SLC25A24: variants seen among roughly 807,000 people sequenced by gnomAD.
The protein encoded by SLC25A24 is mitochondrial adenyl nucleotide antiporter SLC25A24.
SLC25A24 carries 49 observed loss-of-function variants against 60.7 expected under a neutral mutation model. The ratio of observed to expected loss-of-function variants is 0.81; its 90% CI spans 0.64 to 1.02. The LOEUF is 1.02. Among genes scored for constraint, SLC25A24 ranks in the 50% least tolerant of loss-of-function variants. The pLI is 0.00. For missense variants in SLC25A24, 564 were observed against 586.3 expected, an observed-to-expected ratio of 0.96 and a Z score of 0.39; for synonymous variants, 202 against 200.6, an observed-to-expected ratio of 1.01 and a Z score of -0.06.
At chr1:108,180,616 A>ATC (rs3043349) in intron 3 of SLC25A24, among the ~76,000 whole-genome samples, 1,018 of 61,684 alleles carry the variant, frequency 0.017, 10 homozygotes, top group South Asian at 0.03. Flanking sequence ...CAAGAGAAAG[A>ATC]TCTCTCTCTC....
intron 3 of SLC25A24, among the ~76,000 whole-genome samples, chr1:108,176,794 A>T (rs913936879): frequency 6.6e-6 from 1 of 152,200 alleles, no homozygotes; most frequent in African/African-American, 2.4e-5. Flanking sequence ...TTCAGAAATG[A>T]AGGAGAGATA....
At position 108,194,666 on chromosome 1, in the gene SLC25A24, C is replaced by T. The variant is rs139270022; in HGVS notation, c.183+5290G>A. Among the ~76,000 whole-genome samples the T allele has an allele frequency of 2.0e-3, 301 of 152,294 alleles. 1 individual carries two copies. The highest frequency in any genetic ancestry group is 6.9e-3 in the African/African-American group (286 of 41,580). On this transcript the variant is annotated intron_variant, in intron 1 of 9. Coordinates refer to ENST00000565488, the MANE Select transcript of SLC25A24 (RefSeq NM_013386.5). Reference sequence around the variant, plus strand: ...TGCTTATTATTTTTTATTCCCCATGCACCTACACACACACACAGACCTACT... The same window carrying T: ...TGCTTATTATTTTTTATTCCCCATGTACCTACACACACACACAGACCTACT...
intron 6 of SLC25A24, among the ~76,000 whole-genome samples, chr1:108,150,456 G>A (rs1679726030): frequency 6.6e-6 from 1 of 152,106 alleles, no homozygotes; most frequent in Admixed American, 6.6e-5. Flanking sequence ...AAACCACCCT[G>A]AAATCCTTTT....
At chr1:108,163,384 G>A (rs1680145652) in intron 3 of SLC25A24, among the ~76,000 whole-genome samples, 1 of 149,716 alleles carries the variant, frequency 6.7e-6, no homozygotes, top group South Asian at 2.1e-4. Context: ...ATTGCCTTGG[G>A]CAGTATGGCC....
In SLC25A24 at chr1:108,178,542, C is replaced by T. The variant is rs140204561; in HGVS notation, c.398+3399G>A. Reference sequence around the variant, plus strand: ...AAAAAACTAGAAATCAGGCCAGGCGCGGTGGCTCACGCCTGTAATCCTAGC... The same window carrying T: ...AAAAAACTAGAAATCAGGCCAGGCGTGGTGGCTCACGCCTGTAATCCTAGC... On this transcript the variant is annotated intron_variant, in intron 3 of 9. Coordinates refer to ENST00000565488, the MANE Select transcript of SLC25A24 (RefSeq NM_013386.5). 2.5e-4 allele frequency among the ~76,000 whole-genome samples: 38 copies of T among 152,140 alleles called. No homozygotes were observed. In the East Asian group the frequency reaches 3.7e-3, roughly 15 times the overall value.
intron 2 of SLC25A24, among the ~76,000 whole-genome samples, chr1:108,183,552 T>C (rs1648012767): frequency 6.6e-6 from 1 of 152,200 alleles, no homozygotes; most frequent in African/African-American, 2.4e-5. Context: ...CTTATGTCTG[T>C]TTCTGTTTGA....
chr1:108,196,564 C>T (rs1223125628), intron 1 of SLC25A24, among the ~76,000 whole-genome samples: 1 of 152,184 alleles, frequency 6.6e-6, no homozygotes, highest in Non-Finnish European at 1.5e-5. Flanking sequence ...TGTCCTAGTC[C>T]AACTGGGCTG....
intron 8 of SLC25A24, among the ~76,000 whole-genome samples, chr1:108,139,542 CAT>C (rs1209457085): frequency 6.6e-6 from 1 of 152,144 alleles, no homozygotes; most frequent in African/African-American, 2.4e-5. Flanking sequence ...TTACACGTTA[CAT>C]ATATTTCATT....
chr1:108,197,348 C>T (rs922744348), intron 1 of SLC25A24, among the ~76,000 whole-genome samples: 11 of 152,142 alleles, frequency 7.2e-5, no homozygotes, highest in African/African-American at 2.4e-4. Context: ...CTTGGAAACA[C>T]GGAGATGAGA....
intron 3 of SLC25A24, among the ~76,000 whole-genome samples, chr1:108,175,264 TAGTG>T (rs1339127690): frequency 1.3e-5 from 2 of 152,186 alleles, no homozygotes; most frequent in Non-Finnish European, 2.9e-5. Context: ...GTTCTCATGA[TAGTG>T]AGTAACTTCT....
chr1:108,161,932 T>G (rs1680097161), intron 3 of SLC25A24, among the ~76,000 whole-genome samples: 1 of 148,816 alleles, frequency 6.7e-6, no homozygotes, highest in South Asian at 2.2e-4. Context: ...TATCTCCCAA[T>G]GCCATCCCTC....
rs202000976 is a variant in SLC25A24 at position 108,148,396 on chromosome 1, C to A, written c.823-10G>T. 9.3e-5 allele frequency: 142 copies of A among 1,520,010 alleles called. 1 individual carries two copies. In the African/African-American group the frequency reaches 1.7e-3, roughly 18 times the overall value. 94.2% of individuals were successfully genotyped at this position (1,520,010 alleles called of 1,614,324 possible). On this transcript the variant is annotated splice_polypyrimidine_tract_variant and intron_variant, in intron 6 of 9. Transcript: ENST00000565488. ...TAAGTAACTTCTTGTACTGTATAAACAAGTTTTAAAATGCACATTACTACC... is the reference window on the plus strand; with the variant it reads ...TAAGTAACTTCTTGTACTGTATAAAAAAGTTTTAAAATGCACATTACTACC...
chr1:108,193,379 CT>C (rs939067849), intron 1 of SLC25A24, among the ~76,000 whole-genome samples: 1 of 137,364 alleles, frequency 7.3e-6, no homozygotes, highest in Non-Finnish European at 1.6e-5. Flanking sequence ...TTGTTCCCAT[CT>C]TTATGCCCCA....
chr1:108,199,569 T>G, intron 1 of SLC25A24: 1 of 341,822 alleles, frequency 2.9e-6, no homozygotes, highest in Non-Finnish European at 5.3e-6. Context: ...GTGTGCGCCT[T>G]TATACAAAAC....
Position 108,143,425 on chromosome 1 carries a change from C to T in SLC25A24, c.1098+118G>A, listed in dbSNP as rs890440269. The T allele has an allele frequency of 3.6e-6, 3 of 827,760 alleles. No homozygotes were observed. The African/African-American group carries it at 5.2e-5, about 14-fold the overall frequency. The allele number at this position is 827,760 out of a possible 1,614,324, so 51.3% of individuals were successfully genotyped here. A position where few individuals can be genotyped will look rare whatever the true frequency, so the allele number is the denominator to read the frequency against. Reference sequence around the variant, plus strand: ...TACTTGAAAGTTCAAATAACACATGCTTGAATTTACTTCTGGTCACACACT... The same window carrying T: ...TACTTGAAAGTTCAAATAACACATGTTTGAATTTACTTCTGGTCACACACT... On this transcript the variant is annotated intron_variant, in intron 8 of 9. Coordinates refer to ENST00000565488, the MANE Select transcript of SLC25A24 (RefSeq NM_013386.5).
At chr1:108,164,374 T>C (rs1473573309) in intron 3 of SLC25A24, among the ~76,000 whole-genome samples, 4 of 149,032 alleles carry the variant, frequency 2.7e-5, no homozygotes, top group South Asian at 2.1e-4. Flanking sequence ...ATGGTACCAG[T>C]TCCTCCTTGT....
At position 108,199,995 on chromosome 1, in the gene SLC25A24, G is replaced by A. The variant is rs1442686644; in HGVS notation, c.144C>T (p.Leu48=). 1.2e-6 allele frequency: 2 copies of A among 1,611,238 alleles called. No individual in the cohort carries two copies. The highest frequency in any genetic ancestry group is 2.7e-5 in the African/African-American group (2 of 74,912). The change falls in exon 1 of 10, where the codon CTC becomes CTT. Residue 48 remains leucine (L), a synonymous_variant. Transcript: ENST00000565488. ...VVDIGELQEG[L]RNLGIPLGQD... is the part of the protein sequence containing the mutation. ...GGCCCAGAGGGATGCCCAGGTTCCT[G>A]AGCCCCTCCTGCAGCTCGCCGATGT...
intron 8 of SLC25A24, among the ~76,000 whole-genome samples, chr1:108,142,503 G>T (rs1367672835): frequency 1.3e-5 from 2 of 152,160 alleles, no homozygotes; most frequent in African/African-American, 4.8e-5. Flanking sequence ...TATGCTAAGA[G>T]TAATAAATCA....
At position 108,152,210 on chromosome 1, in the gene SLC25A24, A is replaced by G. The variant is rs538343761; in HGVS notation, c.822+2773T>C. On this transcript the variant is annotated intron_variant, in intron 6 of 9. Transcript: ENST00000565488. ...ACATTTGGCCCCTGTTTATCTGTCC[A>G]GCTCTTTCATCATTATCTTTCCGGA... Among the ~76,000 whole-genome samples, 263 of 152,236 alleles carry G rather than the reference A, an allele frequency of 1.7e-3. 3 individuals carry two copies. The highest frequency in any genetic ancestry group is 1.3e-3 in the Non-Finnish European group (86 of 68,006).
Sources: gnomAD v4.1 joint callset for allele counts (sites outside exome capture counted in the v4.1 genomes callset) on GRCh38, gnomAD v4.1.1 for gene constraint, MANE v1.5 for transcripts, NCBI Gene and HGNC (gene_info 2026-07-23, HGNC 2026-07-21) for gene names.